Variants in RASGRP2 observed in about 807,000 individuals in gnomAD.
The protein encoded by RASGRP2 is RAS guanyl releasing protein 2, also known as RAS guanyl-releasing protein 2.
RASGRP2 carries 44 observed loss-of-function variants against 71.0 expected under a neutral mutation model. The observed-to-expected ratio is 0.62, with a 90% CI of 0.49 to 0.80. The LOEUF is 0.80. Ranked by LOEUF, RASGRP2 falls within the 30% of genes least tolerant of loss-of-function variation. The probability of loss-of-function intolerance (pLI) is 0.00; values close to 1 mark genes in which losing one functional copy is unlikely to be tolerated. For synonymous variants in RASGRP2, 350 were observed against 330.7 expected, an observed-to-expected ratio of 1.06 and a Z score of -0.63; for missense variants, 663 against 813.4, an observed-to-expected ratio of 0.82 and a Z score of 2.25.
rs780846159 is a variant in RASGRP2 at position 64,735,545 on chromosome 11, C to T, written c.1293G>A (p.Val431=). 2 of 1,614,042 alleles carry T rather than the reference C, an allele frequency of 1.2e-6. No homozygotes were observed. The highest frequency in any genetic ancestry group is 1.6e-4 in the Middle Eastern group (1 of 6,062). The change falls in exon 11 of 17, where the codon GTG becomes GTA. Residue 431 remains valine (V), a synonymous_variant. Coordinates refer to ENST00000394432, the MANE Select transcript of RASGRP2 (RefSeq NM_001098671.2). This position sits in a 1 kb window ranked among gnomAD's most constrained non-coding sequence, Gnocchi z 4.2. ...CTCAGGCTCCGCAGGAGCTCACCTC[C>T]ACCATCTTCTCGATGTGCTCCACCA... ...ALVVEHIEKM[V]ESVFRNFDVD...
At position 64,741,088 on chromosome 11, in the gene RASGRP2, G is replaced by C. The variant is rs2058106709; in HGVS notation, c.240-9C>G. On this transcript the variant is annotated splice_polypyrimidine_tract_variant and intron_variant, in intron 4 of 16. Coordinates refer to ENST00000394432, the MANE Select transcript of RASGRP2 (RefSeq NM_001098671.2). Reference sequence around the variant, plus strand: ...AGGCGGAGATCCAGTACCTGGAGGAGCGGGGAGTCACCCAAGATAGCCCTT... The same window carrying C: ...AGGCGGAGATCCAGTACCTGGAGGACCGGGGAGTCACCCAAGATAGCCCTT... 1.2e-6 allele frequency: 2 copies of C among 1,611,604 alleles called. No individual in the cohort carries two copies. Among genetic ancestry groups the C allele is most frequent in the African/African-American group, 1.3e-5 (1 of 74,866 alleles).
At position 64,742,217 on chromosome 11, in the gene RASGRP2, C is replaced by T; in HGVS notation, c.74-105G>A. ...GGTATCGGTCCTTCGGGTGCACGCT[C>T]GACCCCGCCCACCTCCTGCTTGCCC... On this transcript the variant is annotated intron_variant, in intron 2 of 16. Transcript: ENST00000394432. This position sits in a 1 kb window ranked among gnomAD's most constrained non-coding sequence, Gnocchi z 4.7. 1.2e-6 allele frequency: 1 copy of T among 851,962 alleles called. No individual in the cohort carries two copies. Among genetic ancestry groups the T allele is most frequent in the South Asian group, 1.4e-5 (1 of 69,710 alleles). 52.8% of individuals were successfully genotyped at this position (851,962 alleles called of 1,614,324 possible).
In RASGRP2 at chr11:64,735,892, T is replaced by C. The variant is rs1592368396; in HGVS notation, c.1173+11A>G. The C allele has an allele frequency of 1.2e-6, 2 of 1,611,706 alleles. No individual in the cohort carries two copies. The highest frequency in any genetic ancestry group is 2.7e-5 in the African/African-American group (2 of 74,776). On this transcript the variant is annotated intron_variant, in intron 10 of 16. Coordinates refer to ENST00000394432, the MANE Select transcript of RASGRP2 (RefSeq NM_001098671.2). This position sits in a 1 kb window ranked among gnomAD's most constrained non-coding sequence, Gnocchi z 4.2. ...GAAGGGCAGAGTGGAGAGGAGGGAGTACCCCCTCACCGAGGACTTGGAGCG... is the reference window on the plus strand; with the variant it reads ...GAAGGGCAGAGTGGAGAGGAGGGAGCACCCCCTCACCGAGGACTTGGAGCG...
At chr11:64,729,423 G>A (rs563126450) in intron 14 of RASGRP2, among the ~76,000 whole-genome samples, 9 of 150,690 alleles carry the variant, frequency 6.0e-5, no homozygotes, top group East Asian at 2.0e-4. Context: ...TGCAAACCCC[G>A]CCTCCCAGGT....
chr11:64,740,037 C>T lies in RASGRP2; in HGVS notation c.498G>A (p.Glu166=). The T allele has an allele frequency of 1.2e-6, 2 of 1,614,144 alleles. No individual in the cohort carries two copies. Among genetic ancestry groups the T allele is most frequent in the Non-Finnish European group, 1.7e-6 (2 of 1,180,012 alleles). Residue 166 remains glutamate (E), a synonymous_variant, in exon 6 of 17, where the codon GAG becomes GAA. Coordinates refer to ENST00000394432, the MANE Select transcript of RASGRP2 (RefSeq NM_001098671.2). ...CCAGGATCTTGCAGAAGGAGCGATA[C>T]TCCAAGTAGGTGAGATGCTCCGCCA... ...MELAEHLTYL[E]YRSFCKILFQ... is the part of the protein sequence containing the mutation.
chr11:64,744,176 C>T (rs2058234426), upstream of RASGRP2: 1 of 986,354 alleles, frequency 1.0e-6, no homozygotes. Context: ...CACACACATG[C>T]ACACACCCCC....
chr11:64,733,315 G>A (rs1565504535), intron 12 of RASGRP2, among the ~76,000 whole-genome samples: 1 of 151,682 alleles, frequency 6.6e-6, no homozygotes, highest in Non-Finnish European at 1.5e-5. Flanking sequence ...GCTGGGCCTG[G>A]TCCTGGGAGC....
rs571451227 is a variant in RASGRP2, at chr11:64,739,781, T to C, written c.551A>G (p.His184Arg). ...GACGGGGTTGTCCACAGTGCAGCCA[T>C]GAGTCACGAAACTGTGATAGTCCTG... ...LFQDYHSFVTHGCTVDNPVLE... is the reference protein window; with the variant it reads ...LFQDYHSFVTRGCTVDNPVLE... The change falls in exon 7 of 17, where the codon CAT (histidine) becomes CGT (arginine). Residue 184 changes from histidine (H) to arginine (R), a missense_variant. His to Arg is a conservative substitution (Grantham distance 29). Transcript: ENST00000394432. This position sits in a 1 kb window ranked among gnomAD's most constrained non-coding sequence, Gnocchi z 4.2. 1.2e-6 allele frequency: 2 copies of C among 1,613,886 alleles called. No individual in the cohort carries two copies. The highest frequency in any genetic ancestry group is 1.7e-6 in the Non-Finnish European group (2 of 1,179,910).
intron 8 of RASGRP2, 100 bp from the exon 9 acceptor site, chr11:64,737,134 A>G (rs2135766791): frequency 6.9e-7 from 1 of 1,454,664 alleles, no homozygotes; most frequent in Non-Finnish European, 9.5e-7. Flanking sequence ...GGTCAGGGAC[A>G]GGTGAAAGAG....
intron 12 of RASGRP2, among the ~76,000 whole-genome samples, chr11:64,732,376 AG>A (rs2057789879): frequency 6.6e-6 from 1 of 151,960 alleles, no homozygotes; most frequent in Admixed American, 6.6e-5. Flanking sequence ...TACAAAAATT[AG>A]GCCAGGTGCG....
intron 14 of RASGRP2, 75 bp downstream of exon 14, chr11:64,729,687 A>T: frequency 6.4e-7 from 1 of 1,561,912 alleles, no homozygotes; most frequent in South Asian, 1.1e-5. Context: ...GCCCCACCAA[A>T]ACAGTAACTC....
At chr11:64,734,194 C>T (rs571479950) in intron 12 of RASGRP2, among the ~76,000 whole-genome samples, 1 of 151,888 alleles carries the variant, frequency 6.6e-6, no homozygotes, top group African/African-American at 2.4e-5. Context: ...TGCCTGTAAT[C>T]CCAGCTACTC....
upstream of RASGRP2, chr11:64,744,809 C>A (rs2058253988): frequency 6.7e-6 from 1 of 149,472 alleles, no homozygotes; most frequent in Non-Finnish European, 1.5e-5. Flanking sequence ...TCCCGCCCGC[C>A]GGCCTCGCTG....
rs1356372205 is a variant in RASGRP2 at position 64,730,206 on chromosome 11, TGCG to T, written c.1413-15_1413-13del. On this transcript the variant is annotated splice_polypyrimidine_tract_variant and intron_variant, in intron 12 of 16. Coordinates refer to ENST00000394432, the MANE Select transcript of RASGRP2 (RefSeq NM_001098671.2). ...TGATGCAGCCATCCCTGTGGGGAGT[TGCG>T]GGGGCGCTTCAGCTCGGGCCCTCCC... The T allele has an allele frequency of 6.4e-7, 1 of 1,551,528 alleles. No homozygotes were observed. Among genetic ancestry groups the T allele is most frequent in the Admixed American group, 2.0e-5 (1 of 51,024 alleles).
intron 14 of RASGRP2, among the ~76,000 whole-genome samples, chr11:64,729,373 G>A (rs1427476425): frequency 6.7e-6 from 1 of 148,822 alleles, no homozygotes; most frequent in African/African-American, 2.5e-5. Flanking sequence ...AGCCCTCTCT[G>A]TTGCCCAGGC....
At chr11:64,729,831 G>T in intron 13 of RASGRP2, 33 bp from the exon 14 acceptor site, 1 of 1,612,614 alleles carries the variant, frequency 6.2e-7, no homozygotes, top group Non-Finnish European at 8.5e-7. Flanking sequence ...GTGGGAGGAG[G>T]GATTTAGAGG....
chr11:64,740,178 G>A lies in RASGRP2; in HGVS notation c.372-15C>T. On this transcript the variant is annotated splice_polypyrimidine_tract_variant and intron_variant, in intron 5 of 16. Coordinates refer to ENST00000394432, the MANE Select transcript of RASGRP2 (RefSeq NM_001098671.2). The stretch of plus-strand genomic sequence containing the variant: ...TGTAGGTAGGGCTGGGGGGGCAGGG[G>A]TAGTGAGCCCTTTGCTGGACATGCG... The A allele has an allele frequency of 1.2e-6, 2 of 1,613,962 alleles. No homozygotes were observed. Among genetic ancestry groups the A allele is most frequent in the African/African-American group, 1.3e-5 (1 of 75,014 alleles).
intron 12 of RASGRP2, among the ~76,000 whole-genome samples, chr11:64,730,588 G>A (rs2057733598): frequency 6.6e-6 from 1 of 152,238 alleles, no homozygotes; most frequent in African/African-American, 2.4e-5. Flanking sequence ...AGGAGAGATT[G>A]GGAGAAATCG....
At position 64,735,694 on chromosome 11, in the gene RASGRP2, C is replaced by T. The variant is rs891918183; in HGVS notation, c.1174-30G>A. On this transcript the variant is annotated intron_variant, in intron 10 of 16. Transcript: ENST00000394432. This position sits in a 1 kb window ranked among gnomAD's most constrained non-coding sequence, Gnocchi z 4.2. ...GGAAATGGTCGGGCCTGAGCTAGGGCCAGAGGCAGGGGAAGCCCAGAGCCC... is the reference window on the plus strand; with the variant it reads ...GGAAATGGTCGGGCCTGAGCTAGGGTCAGAGGCAGGGGAAGCCCAGAGCCC... The T allele has an allele frequency of 6.3e-7, 1 of 1,597,058 alleles. No homozygotes were observed. Among genetic ancestry groups the T allele is most frequent in the South Asian group, 1.1e-5 (1 of 89,030 alleles).
Sources: gnomAD v4.1 joint callset for allele counts (sites outside exome capture counted in the v4.1 genomes callset) on GRCh38, gnomAD v4.1.1 for gene constraint, Gnocchi (gnomAD v3.1) non-coding constraint, MANE v1.5 for transcripts, NCBI Gene and HGNC (gene_info 2026-07-23, HGNC 2026-07-21) for gene names.